PGS1: variants seen among roughly 807,000 people sequenced by gnomAD.
PGS1 encodes the protein phosphatidylglycerophosphate synthase 1.
In PGS1, 44 loss-of-function variants were observed where a neutral mutation model predicts 58.3. The observed-to-expected ratio is 0.75, with a 90% CI of 0.59 to 0.97. PGS1 has a LOEUF of 0.97. PGS1 is among the 50% of genes least tolerant of loss of function. The probability of loss-of-function intolerance (pLI) is 0.00; values close to 1 mark genes in which losing one functional copy is unlikely to be tolerated. For missense variants in PGS1, 684 were observed against 731.1 expected, an observed-to-expected ratio of 0.94 and a Z score of 0.74; for synonymous variants, 330 against 311.0, an observed-to-expected ratio of 1.06 and a Z score of -0.64.
chr17:78,418,795 G>C (rs1462023913), intron 8 of PGS1, among the ~76,000 whole-genome samples: 2 of 152,046 alleles, frequency 1.3e-5, no homozygotes, highest in African/African-American at 4.8e-5. Context: ...CATCAGTGTG[G>C]GGGATAATGA....
intron 9 of PGS1, among the ~76,000 whole-genome samples, chr17:78,422,856 G>C (rs2086005409): frequency 6.6e-6 from 1 of 152,170 alleles, no homozygotes; most frequent in Non-Finnish European, 1.5e-5. Context: ...GGCGCTTTGG[G>C]AGGCCGAGGT....
At chr17:78,409,752 G>A (rs950600515) in intron 7 of PGS1, among the ~76,000 whole-genome samples, 1 of 152,196 alleles carries the variant, frequency 6.6e-6, no homozygotes, top group Non-Finnish European at 1.5e-5. Flanking sequence ...GAATACTGTG[G>A]GAGTGCTTGA....
intron 8 of PGS1, among the ~76,000 whole-genome samples, chr17:78,418,535 TTAA>T (rs1187992012): frequency 6.6e-6 from 1 of 152,138 alleles, no homozygotes; most frequent in Non-Finnish European, 1.5e-5. Flanking sequence ...ATATGAGTTG[TTAA>T]TAAGTTCGTG....
At chr17:78,409,145 T>A (rs1165426399) in intron 7 of PGS1, among the ~76,000 whole-genome samples, 2 of 152,258 alleles carry the variant, frequency 1.3e-5, no homozygotes, top group African/African-American at 4.8e-5. Flanking sequence ...GAGTGAGTGG[T>A]GCCCATCCCA....
At chr17:78,420,382 G>A (rs975849536) in intron 9 of PGS1, 5 of 260,946 alleles carry the variant, frequency 1.9e-5, no homozygotes, top group East Asian at 1.8e-4. Context: ...GCCATTAAAG[G>A]TGGGGTCTTT....
rs376439631 is a variant in PGS1 at position 78,386,336 on chromosome 17, A to G, written c.144-6140A>G. On this transcript the variant is annotated intron_variant, in intron 1 of 9. Coordinates refer to ENST00000262764, the MANE Select transcript of PGS1 (RefSeq NM_024419.5). ...AATGCTGGAGCACTGGTGCTAGGGG[A>G]TATCACTGGCTCTTGCCCTGGTCCT... is the stretch of plus-strand genomic sequence containing the variant. Among the ~76,000 whole-genome samples the G allele has an allele frequency of 1.4e-3, 217 of 152,212 alleles. 2 individuals are homozygous for G. The highest frequency in any genetic ancestry group is 4.8e-3 in the African/African-American group (201 of 41,512).
rs1330172430 is a variant in PGS1 at position 78,424,353 on chromosome 17, G to C, written c.*303G>C. ...ATGTTGTAACTACCCCGTCCCGCTG[G>C]GCTCAAGGAACAGCTCAGCTAAAGC... is the stretch of plus-strand genomic sequence containing the variant. On this transcript the variant is annotated 3_prime_UTR_variant, in exon 10 of 10. Transcript: ENST00000262764. 3.3e-6 allele frequency: 2 copies of C among 600,810 alleles called. No homozygotes were observed. The highest frequency in any genetic ancestry group is 5.6e-6 in the Non-Finnish European group (2 of 358,022). The allele number at this position is 600,810 out of a possible 1,614,324, so 37.2% of individuals were successfully genotyped here.
At chr17:78,422,198 C>G (rs142614021) in intron 9 of PGS1, among the ~76,000 whole-genome samples, 1 of 152,112 alleles carries the variant, frequency 6.6e-6, no homozygotes, top group Non-Finnish European at 1.5e-5. Context: ...ACCTGAAGGG[C>G]TGCAGTGACC....
At chr17:78,404,223 C>T (rs1192015184) in intron 7 of PGS1, 134 bp downstream of exon 7, 4 of 915,232 alleles carry the variant, frequency 4.4e-6, no homozygotes, top group African/African-American at 3.3e-5. Flanking sequence ...CCCTTGCAGG[C>T]ACATCATAGC....
At chr17:78,411,499 TC>T (rs2084687964) in intron 7 of PGS1, among the ~76,000 whole-genome samples, 1 of 152,080 alleles carries the variant, frequency 6.6e-6, no homozygotes, top group Non-Finnish European at 1.5e-5. Context: ...CGCCTCTGCT[TC>T]CCCTGCACCC....
intron 1 of PGS1, among the ~76,000 whole-genome samples, chr17:78,380,276 ACTC>A (rs2081947899): frequency 6.6e-6 from 1 of 151,834 alleles, no homozygotes; most frequent in Non-Finnish European, 1.5e-5. Context: ...CTGTACGTGT[ACTC>A]CTCGGGTGAG....
chr17:78,424,226 G>T lies in PGS1; in HGVS notation c.*176G>T. ...GGGAGGGGCTGGCAGGAAGGGTGGG[G>T]TCCTCACACTCCCCGCCCTCTGCAG... On this transcript the variant is annotated 3_prime_UTR_variant, in exon 10 of 10. Coordinates refer to ENST00000262764, the MANE Select transcript of PGS1 (RefSeq NM_024419.5). 9 of 1,528,174 alleles carry T rather than the reference G, an allele frequency of 5.9e-6. No homozygotes were observed. Among genetic ancestry groups the T allele is most frequent in the Non-Finnish European group, 2.6e-6 (3 of 1,139,050 alleles). 94.7% of individuals were successfully genotyped at this position (1,528,174 alleles called of 1,614,324 possible).
intron 7 of PGS1, among the ~76,000 whole-genome samples, chr17:78,410,701 T>C (rs903682160): frequency 1.3e-5 from 2 of 152,054 alleles, no homozygotes; most frequent in African/African-American, 4.8e-5. Context: ...TTTGAACTCC[T>C]GACCTTGTGA....
rs893282022 is a variant in PGS1, at chr17:78,398,183, A to G, written c.412-69A>G. On this transcript the variant is annotated intron_variant, in intron 3 of 9. Coordinates refer to ENST00000262764, the MANE Select transcript of PGS1 (RefSeq NM_024419.5). ...GACGAGGGCACTAGCCGATGGGGCG[A>G]TTTGTTTTTCTTTAAATACACACAC... is the stretch of plus-strand genomic sequence containing the variant. The G allele has an allele frequency of 3.4e-6, 4 of 1,165,160 alleles. No individual in the cohort carries two copies. The African/African-American group carries it at 6.0e-5, about 18-fold the overall frequency. The allele number at this position is 1,165,160 out of a possible 1,614,324, so 72.2% of individuals were successfully genotyped here.
chr17:78,393,603 G>A (rs1355511806), intron 2 of PGS1, among the ~76,000 whole-genome samples: 1 of 152,166 alleles, frequency 6.6e-6, no homozygotes, highest in Non-Finnish European at 1.5e-5. Flanking sequence ...ACTCGTGGGT[G>A]CGATTTGATA....
rs1227101998 is a variant in PGS1, at chr17:78,424,089, G to A, written c.*39G>A. 2.5e-6 allele frequency: 4 copies of A among 1,613,956 alleles called. No homozygotes were observed. Among genetic ancestry groups the A allele is most frequent in the Admixed American group, 1.7e-5 (1 of 60,030 alleles). ...TGGCCTTGATGAAGATGACAGGCATGGCCGGGGTCAGCTCTTTCAGCCGCG... is the reference window on the plus strand; with the variant it reads ...TGGCCTTGATGAAGATGACAGGCATAGCCGGGGTCAGCTCTTTCAGCCGCG... On this transcript the variant is annotated 3_prime_UTR_variant, in exon 10 of 10. Transcript: ENST00000262764.
At chr17:78,382,424 A>G (rs1008342020) in intron 1 of PGS1, among the ~76,000 whole-genome samples, 3 of 152,100 alleles carry the variant, frequency 2.0e-5, no homozygotes, top group African/African-American at 7.2e-5. Flanking sequence ...GATGGGGCAC[A>G]TGGATGTTGG....
intron 6 of PGS1, among the ~76,000 whole-genome samples, chr17:78,403,326 C>T (rs1016587664): frequency 5.9e-5 from 9 of 151,878 alleles, no homozygotes; most frequent in African/African-American, 1.9e-4. Flanking sequence ...AATGATACGT[C>T]GACATGCCTT....
chr17:78,418,671 G>T (rs2085421544), intron 8 of PGS1, among the ~76,000 whole-genome samples: 1 of 152,134 alleles, frequency 6.6e-6, no homozygotes, highest in South Asian at 2.1e-4. Flanking sequence ...TTAGCGCATA[G>T]TGATTTTCTT....
Sources: allele counts gnomAD v4.1 joint callset (sites outside exome capture counted in the v4.1 genomes callset), GRCh38; gene constraint gnomAD v4.1.1; transcripts MANE v1.5; gene names NCBI Gene and HGNC (gene_info 2026-07-23, HGNC 2026-07-21).